Variants in C8orf34 observed in about 807,000 individuals in gnomAD.
C8orf34 encodes the protein chromosome 8 open reading frame 34.
In C8orf34, 65 loss-of-function variants were observed where a neutral mutation model predicts 68.3. That is an observed-to-expected ratio of 0.95 (90% confidence interval 0.78 to 1.17). The LOEUF (loss-of-function observed/expected upper bound fraction) is 1.17, where lower values mean the gene tolerates loss of function less well. Ranked by LOEUF, C8orf34 falls within the 50% of genes most tolerant of loss-of-function variation. C8orf34 has a pLI of 0.00. For synonymous variants in C8orf34, 244 were observed against 241.2 expected, an observed-to-expected ratio of 1.01 and a Z score of -0.11; for missense variants, 664 against 655.4, an observed-to-expected ratio of 1.01 and a Z score of -0.14.
At chr8:68,808,096 G>A (rs11993026) in intron 12 of C8orf34, among the ~76,000 whole-genome samples, 50,694 of 151,966 alleles carry the variant, frequency 0.33, 10,133 homozygotes, top group African/African-American at 0.55. Context: ...TCCAAATTCT[G>A]TGCTCATTTC....
intron 7 of C8orf34, among the ~76,000 whole-genome samples, chr8:68,621,298 T>C (rs1270955385): frequency 6.6e-6 from 1 of 152,074 alleles, no homozygotes; most frequent in Admixed American, 6.6e-5. Flanking sequence ...TGACTCCACT[T>C]TTTGTCAGAA....
rs546826235 is a variant in C8orf34 at position 68,731,634 on chromosome 8, A to C, written c.1404+10197A>C. ...TTTGTTATTCTGAAAGTTAAAAAAA[A>C]AATTACATCTATCTTACAAGCTAAA... On this transcript the variant is annotated intron_variant, in intron 10 of 13. Transcript: ENST00000518698. Among the ~76,000 whole-genome samples the C allele has an allele frequency of 3.3e-5, 5 of 152,352 alleles. No homozygotes were observed. In the South Asian group the frequency reaches 8.3e-4, roughly 25 times the overall value.
At chr8:68,479,498 G>A (rs1454258188) in intron 4 of C8orf34, among the ~76,000 whole-genome samples, 2 of 151,984 alleles carry the variant, frequency 1.3e-5, no homozygotes, top group East Asian at 3.9e-4. Flanking sequence ...GGGTATTAGT[G>A]GAAACCAAGA....
intron 8 of C8orf34, among the ~76,000 whole-genome samples, chr8:68,664,278 A>G (rs1318282345): frequency 6.6e-6 from 1 of 152,200 alleles, no homozygotes; most frequent in South Asian, 2.1e-4. Flanking sequence ...AAGTTAAACT[A>G]TAGGCTGAAT....
At chr8:68,773,339 G>A (rs115269866) in intron 10 of C8orf34, among the ~76,000 whole-genome samples, 152 of 152,206 alleles carry the variant, frequency 1.0e-3, no homozygotes, top group African/African-American at 3.5e-3. Flanking sequence ...TACCACACTT[G>A]CATTCTTCAA....
chr8:68,345,584 A>G (rs1269244368), intron 1 of C8orf34, among the ~76,000 whole-genome samples: 3 of 151,986 alleles, frequency 2.0e-5, no homozygotes, highest in Non-Finnish European at 2.9e-5. Flanking sequence ...TAGTAGGAAA[A>G]TTTAAAATAT....
intron 1 of C8orf34, among the ~76,000 whole-genome samples, chr8:68,369,635 G>T (rs573027661): frequency 6.6e-6 from 1 of 152,270 alleles, no homozygotes; most frequent in African/African-American, 2.4e-5. Flanking sequence ...GGTTTGGTGA[G>T]CCACTTCAGT....
chr8:68,353,795 T>C (rs1806626658), intron 1 of C8orf34, among the ~76,000 whole-genome samples: 1 of 151,738 alleles, frequency 6.6e-6, no homozygotes, highest in Non-Finnish European at 1.5e-5. Flanking sequence ...TATAGTATAA[T>C]ATCTATTTAC....
chr8:68,700,418 T>C (rs1043950827), intron 8 of C8orf34, among the ~76,000 whole-genome samples: 7 of 151,952 alleles, frequency 4.6e-5, no homozygotes, highest in African/African-American at 1.7e-4. Context: ...GCAAAGAGAA[T>C]GGGAGGAAGA....
intron 10 of C8orf34, among the ~76,000 whole-genome samples, chr8:68,736,798 T>C (rs1484370007): frequency 2.0e-5 from 3 of 152,076 alleles, no homozygotes; most frequent in African/African-American, 7.2e-5. Context: ...AAGTAGAATA[T>C]AATGGTATAC....
chr8:68,735,715 A>G (rs1186536758), intron 10 of C8orf34, among the ~76,000 whole-genome samples: 1 of 152,342 alleles, frequency 6.6e-6, no homozygotes, highest in East Asian at 1.9e-4. Context: ...TGTCATTAAT[A>G]CGTAAAAATA....
chr8:68,448,941 A>C (rs1399744696), intron 3 of C8orf34, among the ~76,000 whole-genome samples: 1 of 152,122 alleles, frequency 6.6e-6, no homozygotes, highest in Non-Finnish European at 1.5e-5. Flanking sequence ...AGGTTATTTA[A>C]TTAAGAAGAC....
intron 11 of C8orf34, among the ~76,000 whole-genome samples, chr8:68,785,712 A>G (rs1185196515): frequency 2.6e-5 from 4 of 152,162 alleles, no homozygotes; most frequent in Non-Finnish European, 5.9e-5. Context: ...TGCATACATT[A>G]AAGCTTATGG....
At chr8:68,812,114 A>C (rs1824669201) in intron 12 of C8orf34, among the ~76,000 whole-genome samples, 1 of 152,228 alleles carries the variant, frequency 6.6e-6, no homozygotes. Flanking sequence ...AATACATTTG[A>C]GTAGAAAATC....
chr8:68,815,749 A>G (rs1315007153), intron 12 of C8orf34, 137 bp from the exon 13 acceptor site: 5 of 1,410,708 alleles, frequency 3.5e-6, no homozygotes, highest in Non-Finnish European at 4.9e-6. Flanking sequence ...ATGGCAGCAC[A>G]GTACATACTA....
chr8:68,488,583 G>A (rs116094779), intron 5 of C8orf34, among the ~76,000 whole-genome samples: 1,846 of 152,222 alleles, frequency 0.012, 48 homozygotes, highest in African/African-American at 0.041. Context: ...CTAATGGATT[G>A]GATGTGGGGA....
chr8:68,797,585 C>G (rs1490926465), intron 12 of C8orf34, among the ~76,000 whole-genome samples: 2 of 151,948 alleles, frequency 1.3e-5, no homozygotes, highest in Non-Finnish European at 2.9e-5. Context: ...CCTCAGGTTA[C>G]TTGTTTCCAG....
intron 1 of C8orf34, among the ~76,000 whole-genome samples, chr8:68,429,427 G>A (rs940869130): frequency 2.6e-5 from 4 of 152,132 alleles, no homozygotes; most frequent in African/African-American, 4.8e-5. Flanking sequence ...ATGGGAATGC[G>A]GGTGGGAGAC....
intron 7 of C8orf34, among the ~76,000 whole-genome samples, chr8:68,544,966 AC>A (rs1221587513): frequency 2.0e-5 from 3 of 152,194 alleles, no homozygotes; most frequent in Non-Finnish European, 2.9e-5. Context: ...ATGGAAAAAA[AC>A]ATTTTAAGAA....
Sources: gnomAD v4.1 joint callset for allele counts (sites outside exome capture counted in the v4.1 genomes callset) on GRCh38, gnomAD v4.1.1 for gene constraint, MANE v1.5 for transcripts, NCBI Gene and HGNC (gene_info 2026-07-23, HGNC 2026-07-21) for gene names.